Variants in SNAP91 observed in about 807,000 individuals in gnomAD.
SNAP91 encodes the protein clathrin coat assembly protein AP180.
A neutral mutation model predicts 100.3 loss-of-function variants in SNAP91; 27 were observed. That is an observed-to-expected ratio of 0.27 (90% CI 0.20 to 0.37). The LOEUF (loss-of-function observed/expected upper bound fraction) is 0.37. SNAP91 is among the 10% of genes least tolerant of loss of function. The pLI is 1.00. For missense variants in SNAP91, 986 were observed against 1,123.7 expected, an observed-to-expected ratio of 0.88 and a Z score of 1.75; for synonymous variants, 404 against 398.6, an observed-to-expected ratio of 1.01 and a Z score of -0.16.
chr6:83,682,535 T>A (rs1275886836), intron 2 of SNAP91, among the ~76,000 whole-genome samples: 1 of 151,966 alleles, frequency 6.6e-6, no homozygotes, highest in African/African-American at 2.4e-5. Flanking sequence ...TTCTTTCTAT[T>A]ATACCCTGTC....
intron 3 of SNAP91, among the ~76,000 whole-genome samples, chr6:83,664,869 T>C (rs1458724778): frequency 3.9e-5 from 6 of 152,096 alleles, no homozygotes; most frequent in Admixed American, 1.3e-4. Context: ...AACTTCACTG[T>C]TGTCTTATTT....
At chr6:83,707,110 T>C (rs2099391303) in intron 2 of SNAP91, among the ~76,000 whole-genome samples, 1 of 152,236 alleles carries the variant, frequency 6.6e-6, no homozygotes, top group African/African-American at 2.4e-5. Context: ...TACATCCATT[T>C]TGTGACCATA....
intron 2 of SNAP91, among the ~76,000 whole-genome samples, chr6:83,667,486 A>C (rs2098707468): frequency 6.6e-6 from 1 of 151,996 alleles, no homozygotes; most frequent in South Asian, 2.1e-4. Context: ...TAAAATGATA[A>C]TATTCTTTTC....
Position 83,661,576 on chromosome 6 carries a change from G to A in SNAP91, c.378C>T (p.Arg126=). ...HGYDMSTFIR[R]YSRYLNEKAF... is the part of the protein sequence containing the mutation. ...CCTTTTCATTCAAATATCTACTATA[G>A]CGCCTTATGAAGGTAGACATATCAT... The change falls in exon 5 of 30, where the codon CGC becomes CGT. Residue 126 remains arginine (R), a synonymous_variant. Transcript: ENST00000369694. 1 of 1,606,798 alleles carries A rather than the reference G, an allele frequency of 6.2e-7. No individual in the cohort carries two copies. The highest frequency in any genetic ancestry group is 8.5e-7 in the Non-Finnish European group (1 of 1,176,576).
intron 6 of SNAP91, 52 bp from the exon 7 acceptor site, chr6:83,656,917 T>C: frequency 2.5e-6 from 2 of 786,000 alleles, no homozygotes; most frequent in Non-Finnish European, 2.0e-6. Context: ...AGTCTTAATT[T>C]TTCTTGAATC....
At chr6:83,686,297 C>T in intron 2 of SNAP91, 1 of 474,330 alleles carries the variant, frequency 2.1e-6, no homozygotes, top group South Asian at 8.9e-5. Flanking sequence ...ATTTTGGTGA[C>T]ATGGAATGCT....
At chr6:83,629,496 G>T (rs2128462932) in intron 8 of SNAP91, among the ~76,000 whole-genome samples, 1 of 152,198 alleles carries the variant, frequency 6.6e-6, no homozygotes, top group Admixed American at 6.6e-5. Context: ...CATGAACACA[G>T]GATGTGTTTT....
chr6:83,559,963 T>G, intron 28 of SNAP91, 141 bp downstream of exon 28: 1 of 690,280 alleles, frequency 1.4e-6, no homozygotes, highest in Non-Finnish European at 2.6e-6. Flanking sequence ...TTTGCAGATC[T>G]GTCTTCCAAG....
At chr6:83,609,010 G>A (rs541164533) in intron 12 of SNAP91, among the ~76,000 whole-genome samples, 17 of 152,074 alleles carry the variant, frequency 1.1e-4, no homozygotes, top group Non-Finnish European at 5.9e-5. Flanking sequence ...AATCCTCTAA[G>A]AAAAGGTTTT....
chr6:83,560,441 A>T (rs1317145320), intron 27 of SNAP91, among the ~76,000 whole-genome samples: 6 of 152,188 alleles, frequency 3.9e-5, no homozygotes, highest in Non-Finnish European at 5.9e-5. Context: ...CCCCATCCCA[A>T]CCAAGCTTTG....
At chr6:83,570,916 C>T (rs1806273041) in intron 26 of SNAP91, among the ~76,000 whole-genome samples, 1 of 152,154 alleles carries the variant, frequency 6.6e-6, no homozygotes, top group South Asian at 2.1e-4. Flanking sequence ...CCTACTGGGG[C>T]ACCACCAAGT....
chr6:83,653,709 G>C (rs1420930431), intron 7 of SNAP91, among the ~76,000 whole-genome samples: 1 of 152,126 alleles, frequency 6.6e-6, no homozygotes, highest in African/African-American at 2.4e-5. Context: ...CAGGTAAAAG[G>C]AACTGCTGTA....
chr6:83,629,639 G>T (rs541750314), intron 8 of SNAP91, among the ~76,000 whole-genome samples: 1 of 152,042 alleles, frequency 6.6e-6, no homozygotes, highest in African/African-American at 2.4e-5. Flanking sequence ...TTGAGATCTT[G>T]ATTTGATTCT....
At chr6:83,622,726 T>C (rs1297396305) in intron 9 of SNAP91, among the ~76,000 whole-genome samples, 1 of 151,044 alleles carries the variant, frequency 6.6e-6, no homozygotes, top group African/African-American at 2.5e-5. Context: ...ATAAAATGAT[T>C]GATACAGAAG....
intron 7 of SNAP91, among the ~76,000 whole-genome samples, chr6:83,650,205 A>C (rs2098136642): frequency 6.6e-6 from 1 of 152,216 alleles, no homozygotes; most frequent in African/African-American, 2.4e-5. Context: ...TACTTTCTGT[A>C]GTTTGCATTT....
intron 7 of SNAP91, among the ~76,000 whole-genome samples, chr6:83,647,557 C>A (rs1295391013): frequency 6.6e-6 from 1 of 151,954 alleles, no homozygotes; most frequent in African/African-American, 2.4e-5. Context: ...GTTTATAATT[C>A]TTTTTATACA....
chr6:83,613,298 C>G (rs569475278), intron 11 of SNAP91, among the ~76,000 whole-genome samples: 38 of 152,144 alleles, frequency 2.5e-4, no homozygotes, highest in Middle Eastern at 3.4e-3. Context: ...GTTTTATATC[C>G]CTAGCACTTT....
intron 5 of SNAP91, among the ~76,000 whole-genome samples, chr6:83,659,400 A>G (rs868482647): frequency 6.6e-6 from 1 of 151,618 alleles, no homozygotes. Context: ...AATAAAGGTA[A>G]TAGTGTTGAA....
At chr6:83,644,230 A>G (rs1015566191) in intron 7 of SNAP91, among the ~76,000 whole-genome samples, 2 of 152,166 alleles carry the variant, frequency 1.3e-5, no homozygotes, top group African/African-American at 2.4e-5. Flanking sequence ...TCTCCTCTGG[A>G]TACTTTTAAA....
Sources: gnomAD v4.1 joint callset for allele counts (sites outside exome capture counted in the v4.1 genomes callset) on GRCh38, gnomAD v4.1.1 for gene constraint, MANE v1.5 for transcripts, NCBI Gene and HGNC (gene_info 2026-07-23, HGNC 2026-07-21) for gene names.